ELMO1: variants seen among roughly 807,000 people sequenced by gnomAD.
The protein encoded by ELMO1 is engulfment and cell motility 1.
ELMO1 carries 26 observed loss-of-function variants against 98.9 expected under a neutral mutation model. That is an observed-to-expected ratio of 0.26 (90% CI 0.19 to 0.36). ELMO1 has a LOEUF of 0.36. Ranked by LOEUF, ELMO1 falls within the 10% of genes least tolerant of loss-of-function variation. The pLI is 1.00. For missense variants in ELMO1, 627 were observed against 935.2 expected, an observed-to-expected ratio of 0.67 and a Z score of 4.30; for synonymous variants, 346 against 346.0, an observed-to-expected ratio of 1.00 and a Z score of 0.00.
At chr7:37,406,731 C>G (rs1293564980) in intron 1 of ELMO1, among the ~76,000 whole-genome samples, 1 of 152,122 alleles carries the variant, frequency 6.6e-6, no homozygotes, top group Non-Finnish European at 1.5e-5. Flanking sequence ...CGGGAGCCAT[C>G]GCACCAGGCC....
At chr7:37,302,627 G>C (rs1434095766) in intron 4 of ELMO1, among the ~76,000 whole-genome samples, 1 of 152,066 alleles carries the variant, frequency 6.6e-6, no homozygotes, top group East Asian at 1.9e-4. Flanking sequence ...CTAGCCCCCA[G>C]CTATTCATGT....
intron 13 of ELMO1, among the ~76,000 whole-genome samples, chr7:37,164,233 A>G (rs948491633): frequency 4.6e-5 from 7 of 152,190 alleles, no homozygotes; most frequent in Non-Finnish European, 8.8e-5. Flanking sequence ...GATTCTGGAT[A>G]TTAGCCCTTT....
intron 1 of ELMO1, among the ~76,000 whole-genome samples, chr7:37,361,734 G>T (rs561061035): frequency 6.6e-6 from 1 of 152,222 alleles, no homozygotes; most frequent in Non-Finnish European, 1.5e-5. Context: ...CAAGGCCGGC[G>T]GATGGCTTGA....
At chr7:37,288,468 G>A (rs138463762) in intron 4 of ELMO1, among the ~76,000 whole-genome samples, 1,972 of 152,190 alleles carry the variant, frequency 0.013, 17 homozygotes, top group Non-Finnish European at 0.019. Flanking sequence ...CAGGTGATCC[G>A]CCCACCTCAT....
At chr7:36,882,794 T>C (rs891567710) in intron 18 of ELMO1, among the ~76,000 whole-genome samples, 1 of 152,214 alleles carries the variant, frequency 6.6e-6, no homozygotes, top group Non-Finnish European at 1.5e-5. Context: ...CAGAACATAT[T>C]TGTAGTTTCC....
chr7:37,306,123 T>C (rs1226710744), intron 4 of ELMO1, among the ~76,000 whole-genome samples: 1 of 152,192 alleles, frequency 6.6e-6, no homozygotes, highest in Non-Finnish European at 1.5e-5. Flanking sequence ...TTAAATGATA[T>C]TGCTCCTAGG....
At chr7:36,960,784 A>G (rs1368517618) in intron 16 of ELMO1, among the ~76,000 whole-genome samples, 7 of 152,204 alleles carry the variant, frequency 4.6e-5, no homozygotes, top group Non-Finnish European at 1.0e-4. Flanking sequence ...CTTGAATTAG[A>G]TAAGACTTTG....
intron 16 of ELMO1, among the ~76,000 whole-genome samples, chr7:36,906,684 A>T (rs1327360439): frequency 6.6e-6 from 1 of 152,042 alleles, no homozygotes; most frequent in African/African-American, 2.4e-5. Context: ...CTTGCTACTC[A>T]GGAGGCTGGG....
chr7:37,019,104 T>G (rs6946017), intron 15 of ELMO1, among the ~76,000 whole-genome samples: 38,510 of 152,180 alleles, frequency 0.25, 5,975 homozygotes, highest in African/African-American at 0.44. Flanking sequence ...ACTCTCTGAA[T>G]GTGTAACAAC....
At chr7:36,885,509 G>A (rs919299887) in intron 18 of ELMO1, among the ~76,000 whole-genome samples, 18 of 152,260 alleles carry the variant, frequency 1.2e-4, no homozygotes, top group African/African-American at 3.9e-4. Context: ...GGGCAGCAGC[G>A]GAGGCAATGG....
At chr7:36,940,646 T>C (rs1245840487) in intron 16 of ELMO1, among the ~76,000 whole-genome samples, 2 of 152,250 alleles carry the variant, frequency 1.3e-5, no homozygotes, top group African/African-American at 4.8e-5. Context: ...GCAAATTGCC[T>C]AGCACATAGA....
At chr7:36,907,205 T>C (rs756851509) in intron 16 of ELMO1, among the ~76,000 whole-genome samples, 29 of 152,106 alleles carry the variant, frequency 1.9e-4, no homozygotes, top group African/African-American at 6.3e-4. Context: ...ATCCCTGTGA[T>C]AGTTTTAAGC....
intron 1 of ELMO1, chr7:37,375,913 G>T (rs1374870921): frequency 4.6e-6 from 3 of 655,852 alleles, no homozygotes; most frequent in Non-Finnish European, 5.6e-6. Context: ...CAGACATAGT[G>T]CTGCTGTGCC....
intron 5 of ELMO1, chr7:37,271,537 AAAAT>A (rs948834567): frequency 2.0e-5 from 6 of 306,562 alleles, no homozygotes; most frequent in Non-Finnish European, 3.6e-5. Context: ...TGAACTAAAT[AAAAT>A]ACAGAACAAC....
chr7:37,040,065 C>T (rs73688463), intron 15 of ELMO1, among the ~76,000 whole-genome samples: 18,799 of 151,750 alleles, frequency 0.12, 1,555 homozygotes, highest in African/African-American at 0.25. Context: ...TGTATGTGTG[C>T]GGACTGAGCA....
chr7:37,280,512 A>C (rs896930251), intron 4 of ELMO1, among the ~76,000 whole-genome samples: 18 of 152,332 alleles, frequency 1.2e-4, no homozygotes, highest in Non-Finnish European at 2.2e-4. Context: ...GTAAGAAAAA[A>C]AAAATCCCAT....
intron 4 of ELMO1, among the ~76,000 whole-genome samples, chr7:37,305,207 C>T (rs1002895810): frequency 2.8e-4 from 42 of 152,172 alleles, no homozygotes; most frequent in Non-Finnish European, 6.0e-4. Context: ...CTCACTTTCT[C>T]AAAATTGAGC....
intron 16 of ELMO1, among the ~76,000 whole-genome samples, chr7:36,947,634 A>G (rs1382052056): frequency 6.6e-6 from 1 of 152,112 alleles, no homozygotes; most frequent in Non-Finnish European, 1.5e-5. Context: ...AGCCTAAAAT[A>G]TTTCTGTGGT....
intron 15 of ELMO1, among the ~76,000 whole-genome samples, chr7:37,025,895 T>TTCTATCTATCTATCTATCTA (rs57497721): frequency 4.5e-4 from 64 of 142,960 alleles, no homozygotes; most frequent in South Asian, 1.1e-3. Flanking sequence ...ATATTATATA[T>TTCTATCTATCTATCTATCTA]TCTATCTATC....
Sources: gnomAD v4.1 joint callset for allele counts (sites outside exome capture counted in the v4.1 genomes callset) on GRCh38, gnomAD v4.1.1 for gene constraint, MANE v1.5 for transcripts, NCBI Gene and HGNC (gene_info 2026-07-23, HGNC 2026-07-21) for gene names.